The following CCM2 variants were observed in gnomAD, a reference collection of about 807,000 sequenced individuals.
The protein encoded by CCM2 is cerebral cavernous malformations 2 protein.
In CCM2, 25 loss-of-function variants were observed where a neutral mutation model predicts 44.9. The ratio of observed to expected loss-of-function variants is 0.56; its 90% CI spans 0.41 to 0.78. CCM2 has a LOEUF of 0.78. CCM2 is among the 30% of genes least tolerant of loss of function. The pLI is 0.00. For synonymous variants in CCM2, 219 were observed against 241.1 expected (o/e 0.91, Z 0.85); for missense variants, 481 against 580.6 (o/e 0.83, Z 1.76).
intron 4 of CCM2, 106 bp downstream of exon 4, chr7:45,064,752 T>A (rs930436743): frequency 8.7e-7 from 1 of 1,154,964 alleles, no homozygotes. Flanking sequence ...GGTGCTGCTG[T>A]TTGTCACGAC....
intron 2 of CCM2, chr7:45,043,632 A>C: frequency 2.8e-6 from 1 of 351,892 alleles, no homozygotes; most frequent in Non-Finnish European, 5.3e-6. Flanking sequence ...CCATCCCAAA[A>C]AAAAAAAAAA....
intron 1 of CCM2, among the ~76,000 whole-genome samples, chr7:45,024,922 G>A (rs192002561): frequency 4.2e-4 from 64 of 152,260 alleles, no homozygotes; most frequent in Non-Finnish European, 7.2e-4. Context: ...TGAGTTCATC[G>A]TTGTTGTCTT....
At chr7:45,021,457 G>A (rs1308169223) in intron 1 of CCM2, among the ~76,000 whole-genome samples, 1 of 151,648 alleles carries the variant, frequency 6.6e-6, no homozygotes, top group East Asian at 1.9e-4. Context: ...CCAGCTACTC[G>A]GGAGGCTGAG....
intron 2 of CCM2, among the ~76,000 whole-genome samples, chr7:45,045,610 T>G (rs1479783580): frequency 6.6e-6 from 1 of 151,456 alleles, no homozygotes; most frequent in Non-Finnish European, 1.5e-5. Context: ...GCTAACATGG[T>G]GAAACACTGT....
At chr7:45,045,894 A>T (rs1797732917) in intron 2 of CCM2, among the ~76,000 whole-genome samples, 1 of 152,222 alleles carries the variant, frequency 6.6e-6, no homozygotes, top group Non-Finnish European at 1.5e-5. Flanking sequence ...ACAATCACTT[A>T]AAAAATGAAA....
chr7:45,016,777 C>T (rs1286461691), intron 1 of CCM2, among the ~76,000 whole-genome samples: 14 of 152,266 alleles, frequency 9.2e-5, no homozygotes, highest in Admixed American at 3.9e-4. Context: ...GGATTACAGG[C>T]GCCTACCACC....
chr7:45,047,928 T>TG (rs1170161892), intron 2 of CCM2, among the ~76,000 whole-genome samples: 1 of 152,210 alleles, frequency 6.6e-6, no homozygotes, highest in African/African-American at 2.4e-5. Flanking sequence ...ATAAAGAAAT[T>TG]GCAATTTGAC....
At chr7:45,063,790 C>G in intron 2 of CCM2, 128 bp from the exon 3 acceptor site, 7 of 733,656 alleles carry the variant, frequency 9.5e-6, no homozygotes, top group Non-Finnish European at 1.5e-5. Flanking sequence ...TCCACGCGAG[C>G]CGGAATGGAG....
intron 6 of CCM2, chr7:45,071,978 A>G: frequency 5.0e-6 from 2 of 400,366 alleles, no homozygotes; most frequent in East Asian, 7.2e-5. Context: ...TCTGCCCTCC[A>G]TACTTACCTT....
intron 2 of CCM2, among the ~76,000 whole-genome samples, chr7:45,058,650 A>G (rs1005388749): frequency 4.0e-5 from 6 of 151,808 alleles, no homozygotes; most frequent in African/African-American, 1.5e-4. Context: ...TTAGTTCAGG[A>G]AGTCTCTATT....
chr7:45,045,549 T>C (rs190041940), intron 2 of CCM2, among the ~76,000 whole-genome samples: 1,574 of 152,314 alleles, frequency 0.01, 25 homozygotes, highest in African/African-American at 0.037. Context: ...CCCAGCACTT[T>C]GGGAGGCCGA....
chr7:45,071,321 C>A (rs1799060553), intron 6 of CCM2: 1 of 152,832 alleles, frequency 6.5e-6, no homozygotes, highest in African/African-American at 2.4e-5. Context: ...GAGAAGTACA[C>A]AAGTCATACA....
At chr7:45,056,946 G>A (rs1458419850) in intron 2 of CCM2, among the ~76,000 whole-genome samples, 1 of 152,016 alleles carries the variant, frequency 6.6e-6, no homozygotes, top group Non-Finnish European at 1.5e-5. Context: ...ATAGTTTTAG[G>A]TCTCACATTT....
chr7:45,076,085 C>T lies in CCM2; in HGVS notation c.*28C>T, dbSNP rs777532251. ...GACAGTGGATGGGGGGGCACCCACA[C>T]CTTCCGCGCAGTCGTCATAGGCCTT... On this transcript the variant is annotated 3_prime_UTR_variant, in exon 10 of 10. Coordinates refer to ENST00000258781, the MANE Select transcript of CCM2 (RefSeq NM_031443.4). 24 of 1,612,366 alleles carry T rather than the reference C, an allele frequency of 1.5e-5. No individual in the cohort carries two copies. The highest frequency in any genetic ancestry group is 2.2e-5 in the East Asian group (1 of 44,880).
intron 1 of CCM2, among the ~76,000 whole-genome samples, chr7:45,011,995 C>G (rs1180066014): frequency 6.7e-6 from 1 of 150,060 alleles, no homozygotes; most frequent in African/African-American, 2.5e-5. Flanking sequence ...TCCAGCTAAT[C>G]CTGTCAGTTA....
chr7:45,010,162 C>T (rs1345827313), intron 1 of CCM2, among the ~76,000 whole-genome samples: 1 of 152,162 alleles, frequency 6.6e-6, no homozygotes, highest in African/African-American at 2.4e-5. Flanking sequence ...CCTTCTGTCT[C>T]GGCCTGCCAA....
At chr7:45,041,220 A>G (rs923311214) in intron 2 of CCM2, among the ~76,000 whole-genome samples, 1 of 152,244 alleles carries the variant, frequency 6.6e-6, no homozygotes, top group Non-Finnish European at 1.5e-5. Flanking sequence ...AGAATAGTAC[A>G]TAGAAACAAA....
intron 1 of CCM2, among the ~76,000 whole-genome samples, chr7:45,005,547 T>C (rs1271396535): frequency 2.7e-5 from 1 of 36,988 alleles, no homozygotes; most frequent in Non-Finnish European, 4.5e-5. Context: ...CCCTCCTTGT[T>C]GTCACTTTGC....
intron 1 of CCM2, among the ~76,000 whole-genome samples, chr7:45,010,857 C>T (rs1378641511): frequency 6.6e-6 from 1 of 152,166 alleles, no homozygotes; most frequent in African/African-American, 2.4e-5. Context: ...CACGGCCTCC[C>T]AGTCTACTTT....
Sources: gnomAD v4.1 joint callset for allele counts (sites outside exome capture counted in the v4.1 genomes callset) on GRCh38, gnomAD v4.1.1 for gene constraint, MANE v1.5 for transcripts, NCBI Gene and HGNC (gene_info 2026-07-23, HGNC 2026-07-21) for gene names.